FBXW11: variants seen among roughly 807,000 people sequenced by gnomAD.
FBXW11 encodes F-box/WD repeat-containing protein 11.
Under a neutral mutation model 77.6 loss-of-function variants are expected in FBXW11, and 19 were observed. That is an observed-to-expected ratio of 0.24 (90% confidence interval 0.17 to 0.36). The LOEUF (loss-of-function observed/expected upper bound fraction) is 0.36. FBXW11 is among the 10% of genes least tolerant of loss of function. The pLI is 1.00. For missense variants in FBXW11, 334 were observed against 704.2 expected (o/e 0.47, Z 5.95); for synonymous variants, 235 against 249.4 (o/e 0.94, Z 0.54).
chr5:171,901,414 T>C (rs543739877), intron 4 of FBXW11, among the ~76,000 whole-genome samples: 9 of 152,328 alleles, frequency 5.9e-5, no homozygotes, highest in African/African-American at 1.7e-4. Context: ...CAAAATGAGA[T>C]GATGCATGAA....
chr5:171,977,513 A>G (rs1045830149), intron 1 of FBXW11: 7 of 405,246 alleles, frequency 1.7e-5, no homozygotes, highest in Non-Finnish European at 2.9e-5. Context: ...ACTTTCTAAT[A>G]AGAGCTGATT....
intron 2 of FBXW11, among the ~76,000 whole-genome samples, chr5:171,919,648 T>C (rs895613298): frequency 6.6e-6 from 1 of 152,244 alleles, no homozygotes; most frequent in Non-Finnish European, 1.5e-5. Flanking sequence ...GATGACCTTG[T>C]ATGATAGCAC....
At chr5:171,880,985 C>T (rs541487420) in intron 7 of FBXW11, among the ~76,000 whole-genome samples, 1 of 152,236 alleles carries the variant, frequency 6.6e-6, no homozygotes, top group Non-Finnish European at 1.5e-5. Context: ...GCGTGAGCCA[C>T]CGCGCCCAGC....
At chr5:171,906,487 A>G (rs1035590874) in intron 4 of FBXW11, among the ~76,000 whole-genome samples, 2 of 152,226 alleles carry the variant, frequency 1.3e-5, no homozygotes, top group African/African-American at 4.8e-5. Flanking sequence ...GAATGAATCA[A>G]TTCGGGAATC....
intron 1 of FBXW11, among the ~76,000 whole-genome samples, chr5:171,973,415 GA>G (rs1764644378): frequency 6.6e-6 from 1 of 152,150 alleles, no homozygotes; most frequent in Admixed American, 6.5e-5. Context: ...GAATTCAAAA[GA>G]CAAGCTAATG....
intron 6 of FBXW11, among the ~76,000 whole-genome samples, chr5:171,895,483 T>C (rs1759681792): frequency 6.6e-6 from 1 of 152,140 alleles, no homozygotes; most frequent in Non-Finnish European, 1.5e-5. Context: ...TATTAAAAGG[T>C]GTGATACAAC....
At chr5:171,984,904 CT>C (rs1765354085) in intron 1 of FBXW11, among the ~76,000 whole-genome samples, 1 of 152,096 alleles carries the variant, frequency 6.6e-6, no homozygotes, top group Admixed American at 6.6e-5. Flanking sequence ...GACGACATGC[CT>C]AAAACTATTA....
intron 2 of FBXW11, among the ~76,000 whole-genome samples, chr5:171,951,039 T>C (rs1763285634): frequency 6.6e-6 from 1 of 152,006 alleles, no homozygotes; most frequent in Admixed American, 6.6e-5. Context: ...AAGGAAGGGA[T>C]TAGAAGGGAG....
chr5:171,991,720 T>C (rs2113558877), intron 1 of FBXW11, among the ~76,000 whole-genome samples: 1 of 152,300 alleles, frequency 6.6e-6, no homozygotes, highest in East Asian at 1.9e-4. Context: ...TTTCAAAAAT[T>C]AAGCAAACTA....
chr5:171,994,832 G>GT (rs1765941460), intron 1 of FBXW11, among the ~76,000 whole-genome samples: 2 of 152,078 alleles, frequency 1.3e-5, no homozygotes, highest in Non-Finnish European at 2.9e-5. Flanking sequence ...GAGGCCCGGA[G>GT]TTTGAGACCA....
chr5:171,995,704 G>A (rs1020166758), intron 1 of FBXW11, among the ~76,000 whole-genome samples: 1 of 151,932 alleles, frequency 6.6e-6, no homozygotes, highest in Non-Finnish European at 1.5e-5. Flanking sequence ...AATGAGTGGA[G>A]ATCGCGCCAC....
At chr5:172,002,476 G>C (rs1766466314) in intron 1 of FBXW11, among the ~76,000 whole-genome samples, 1 of 150,560 alleles carries the variant, frequency 6.6e-6, no homozygotes, top group Admixed American at 6.6e-5. Context: ...ATTGAAACCT[G>C]TGTCCACTGA....
At chr5:171,878,159 GATT>G (rs754721547) in intron 7 of FBXW11, 30 bp from the exon 8 acceptor site, 1 of 1,449,812 alleles carries the variant, frequency 6.9e-7, no homozygotes, top group South Asian at 1.2e-5. Flanking sequence ...CACAAACGAT[GATT>G]AATTATACTA....
At chr5:171,951,621 G>A (rs903912801) in intron 2 of FBXW11, among the ~76,000 whole-genome samples, 5 of 152,050 alleles carry the variant, frequency 3.3e-5, no homozygotes, top group Non-Finnish European at 5.9e-5. Flanking sequence ...CTCCCGAGTA[G>A]CTGAGATTAC....
intron 1 of FBXW11, among the ~76,000 whole-genome samples, chr5:171,963,279 A>G (rs1386542462): frequency 1.3e-5 from 2 of 152,172 alleles, no homozygotes; most frequent in East Asian, 1.9e-4. Context: ...ACTAATTCAT[A>G]AAGGGTAAGT....
chr5:171,939,714 A>G (rs1043373913), intron 2 of FBXW11, among the ~76,000 whole-genome samples: 6 of 150,494 alleles, frequency 4.0e-5, no homozygotes, highest in Non-Finnish European at 7.4e-5. Flanking sequence ...AAAAAAAAAA[A>G]AAAAGAAAGA....
intron 1 of FBXW11, among the ~76,000 whole-genome samples, chr5:172,005,927 C>G (rs1169537702): frequency 1.3e-5 from 2 of 152,114 alleles, no homozygotes; most frequent in African/African-American, 4.8e-5. Flanking sequence ...CCCTGCCCCC[C>G]CAGCTCTGTA....
At chr5:172,005,985 G>C (rs1388658192) in intron 1 of FBXW11, among the ~76,000 whole-genome samples, 1 of 152,186 alleles carries the variant, frequency 6.6e-6, no homozygotes, top group African/African-American at 2.4e-5. Context: ...AGTGGGTGCT[G>C]AGACCTCTCC....
At chr5:171,901,822 G>A (rs1760134902) in intron 4 of FBXW11, among the ~76,000 whole-genome samples, 1 of 152,124 alleles carries the variant, frequency 6.6e-6, no homozygotes, top group Admixed American at 6.5e-5. Context: ...CACCTTCAAA[G>A]CTTTGTCTGA....
Sources: allele counts gnomAD v4.1 joint callset (sites outside exome capture counted in the v4.1 genomes callset), GRCh38; gene constraint gnomAD v4.1.1; transcripts MANE v1.5; gene names NCBI Gene and HGNC (gene_info 2026-07-23, HGNC 2026-07-21).